The following PTPRS variants were observed in gnomAD, a reference collection of about 807,000 sequenced individuals.
The protein encoded by PTPRS is protein tyrosine phosphatase receptor type S, also known as receptor-type tyrosine-protein phosphatase S.
Under a neutral mutation model 215.3 loss-of-function variants are expected in PTPRS, and 63 were observed. The ratio of observed to expected loss-of-function variants is 0.29; its 90% confidence interval spans 0.24 to 0.36. The LOEUF (loss-of-function observed/expected upper bound fraction) is 0.36, where lower values mean the gene tolerates loss of function less well. Ranked by LOEUF, PTPRS falls within the 10% of genes least tolerant of loss-of-function variation. PTPRS has a pLI of 1.00. For missense variants in PTPRS, 2,258 were observed against 2,825.8 expected (o/e 0.80, Z 4.56); for synonymous variants, 1,404 against 1,191.4 (o/e 1.18, Z -3.68).
intron 1 of PTPRS, among the ~76,000 whole-genome samples, chr19:5,334,876 G>A (rs1209995652): frequency 6.6e-6 from 1 of 152,196 alleles, no homozygotes; most frequent in Non-Finnish European, 1.5e-5. Context: ...GCAGGTTGGA[G>A]GAGACAAGGA....
Position 5,244,925 on chromosome 19 carries a change from C to T in PTPRS, c.989-443G>A, listed in dbSNP as rs2044340119. ...CCTCGTGATCCGCCCGCCTCGGCCT[C>T]CCGAAGTGCTGGGATTACAGGTGTG... On this transcript the variant is annotated intron_variant, in intron 10 of 37. Transcript: ENST00000262963. This position sits in a 1 kb window ranked among gnomAD's most constrained non-coding sequence, Gnocchi z 7.2. Among the ~76,000 whole-genome samples, 1 of 152,110 alleles carries T rather than the reference C, an allele frequency of 6.6e-6. No homozygotes were observed. Among genetic ancestry groups the T allele is most frequent in the Non-Finnish European group, 1.5e-5 (1 of 68,034 alleles).
At chr19:5,313,156 A>T (rs2049762797) in intron 1 of PTPRS, among the ~76,000 whole-genome samples, 1 of 152,164 alleles carries the variant, frequency 6.6e-6, no homozygotes, top group South Asian at 2.1e-4. Flanking sequence ...GCCTCAGGTG[A>T]TCCGCCCGAC....
rs915498913 is a variant in PTPRS at position 5,339,249 on chromosome 19, A to G, written c.-95+1415T>C. On this transcript the variant is annotated intron_variant, in intron 1 of 37. Coordinates refer to ENST00000262963, the MANE Select transcript of PTPRS (RefSeq NM_002850.4). The surrounding 1 kb of genome is among the most constrained non-coding windows in gnomAD (Gnocchi z 4.2). The stretch of plus-strand genomic sequence containing the variant: ...AGAAGGGGGAGGCAAGGCACCCCCA[A>G]TGAGGCTCTGGGAGGTTTGTTAATT... Among the ~76,000 whole-genome samples, 14 of 152,038 alleles carry G rather than the reference A, an allele frequency of 9.2e-5. No homozygotes were observed. Among genetic ancestry groups the G allele is most frequent in the East Asian group, 7.7e-4 (4 of 5,166 alleles).
Position 5,287,378 on chromosome 19 carries a change from G to A in PTPRS, c.-94-1144C>T, listed in dbSNP as rs1015893886. Among the ~76,000 whole-genome samples the A allele has an allele frequency of 2.0e-5, 3 of 152,148 alleles. No homozygotes were observed. Among genetic ancestry groups the A allele is most frequent in the African/African-American group, 7.2e-5 (3 of 41,432 alleles). ...TGAAAAGATGTTAATCATTCAGCAC[G>A]TTTCTCCCACAAGAACCTCAACTCC... On this transcript the variant is annotated intron_variant, in intron 1 of 37. Transcript: ENST00000262963. This position sits in a 1 kb window ranked among gnomAD's most constrained non-coding sequence, Gnocchi z 4.8.
At chr19:5,267,401 A>C (rs2046486564) in intron 4 of PTPRS, among the ~76,000 whole-genome samples, 1 of 152,110 alleles carries the variant, frequency 6.6e-6, no homozygotes, top group Non-Finnish European at 1.5e-5. Flanking sequence ...TCACACCTGT[A>C]ATCCCAGCAC....
chr19:5,305,338 G>A (rs1266749040), intron 1 of PTPRS, among the ~76,000 whole-genome samples: 1 of 152,092 alleles, frequency 6.6e-6, no homozygotes, highest in African/African-American at 2.4e-5. Flanking sequence ...TTGAGGCCAG[G>A]AGTTGAAGAC....
At position 5,295,282 on chromosome 19, in the gene PTPRS, T is replaced by G. The variant is rs1364516283; in HGVS notation, c.-94-9048A>C. Among the ~76,000 whole-genome samples, 1 of 152,228 alleles carries G rather than the reference T, an allele frequency of 6.6e-6. No individual in the cohort carries two copies. The highest frequency in any genetic ancestry group is 1.9e-4 in the East Asian group (1 of 5,192). On this transcript the variant is annotated intron_variant, in intron 1 of 37. Transcript: ENST00000262963. The surrounding 1 kb of genome is among the most constrained non-coding windows in gnomAD (Gnocchi z 4.6). ...GACCTGCAGCATACAGGCCTGGCTC[T>G]GGGCTGCCCAGGACTCGGGACGGCA...
chr19:5,220,483 A>G, intron 20 of PTPRS, 130 bp from the exon 21 acceptor site: 6 of 775,954 alleles, frequency 7.7e-6, no homozygotes, highest in Non-Finnish European at 1.3e-5. Flanking sequence ...CTATTCCCCT[A>G]TGCCCCATCC....
chr19:5,238,160 G>A (rs1207180940), intron 13 of PTPRS, among the ~76,000 whole-genome samples: 1 of 152,204 alleles, frequency 6.6e-6, no homozygotes, highest in African/African-American at 2.4e-5. Flanking sequence ...CAGGGAGGCA[G>A]GTGAGGTGGG....
chr19:5,282,403 G>A (rs899432167), intron 2 of PTPRS, among the ~76,000 whole-genome samples: 4 of 152,142 alleles, frequency 2.6e-5, no homozygotes, highest in Non-Finnish European at 4.4e-5. Flanking sequence ...GACACAGGAA[G>A]GACACCTCTG....
intron 19 of PTPRS, 131 bp from the exon 20 acceptor site, chr19:5,221,384 CACTG>C (rs1254090711): frequency 2.5e-6 from 3 of 1,213,670 alleles, no homozygotes; most frequent in Middle Eastern, 2.6e-4. Context: ...AGAAATCTAA[CACTG>C]ACTGATCCCT....
rs147208005 is a variant in PTPRS at position 5,282,841 on chromosome 19, G to A, written c.91+3209C>T. On this transcript the variant is annotated intron_variant, in intron 2 of 37. Transcript: ENST00000262963. Reference sequence around the variant, plus strand: ...AGGGACCTGCCTTTGGTCACACGGCGTGTGATGGGCAGAGACAGGATTCCA... The same window carrying A: ...AGGGACCTGCCTTTGGTCACACGGCATGTGATGGGCAGAGACAGGATTCCA... Among the ~76,000 whole-genome samples, 898 of 151,762 alleles carry A rather than the reference G, an allele frequency of 5.9e-3. 9 individuals are homozygous for A. Among genetic ancestry groups the A allele is most frequent in the African/African-American group, 0.018 (756 of 41,394 alleles).
chr19:5,247,168 G>A (rs754997620), intron 9 of PTPRS, among the ~76,000 whole-genome samples: 7 of 150,964 alleles, frequency 4.6e-5, no homozygotes, highest in Non-Finnish European at 1.0e-4. Context: ...TCACATCACA[G>A]CCCTGGCAGA....
Position 5,339,802 on chromosome 19 carries a change from C to G in PTPRS, c.-95+862G>C, listed in dbSNP as rs1370696718. 4.6e-5 allele frequency among the ~76,000 whole-genome samples: 7 copies of G among 151,738 alleles called. No individual in the cohort carries two copies. Among genetic ancestry groups the G allele is most frequent in the Non-Finnish European group, 7.4e-5 (5 of 67,818 alleles). ...GGGCTCCCGGGGCGTGCGGAACCCG[C>G]GGGGCTGGCGGTTCCAGGGGCGGCT... On this transcript the variant is annotated intron_variant, in intron 1 of 37. Transcript: ENST00000262963. The surrounding 1 kb of genome is among the most constrained non-coding windows in gnomAD (Gnocchi z 4.2).
intron 1 of PTPRS, among the ~76,000 whole-genome samples, chr19:5,329,352 C>G (rs1255273166): frequency 6.6e-6 from 1 of 152,092 alleles, no homozygotes; most frequent in African/African-American, 2.4e-5. Context: ...ACATCCTGGC[C>G]GATAACATCT....
At chr19:5,218,585 G>C (rs1568388772) in intron 24 of PTPRS, 53 bp from the exon 25 acceptor site, 12 of 1,572,138 alleles carry the variant, frequency 7.6e-6, no homozygotes, top group African/African-American at 1.4e-5. Context: ...ATGTTCATGT[G>C]TGAACACAAT....
chr19:5,286,482 T>C (rs886589270), intron 1 of PTPRS: 6 of 321,782 alleles, frequency 1.9e-5, no homozygotes, highest in Non-Finnish European at 3.0e-5. Context: ...TAACAGGAGA[T>C]GGAGTGTTTG....
chr19:5,235,863 G>A (rs2043400065), intron 13 of PTPRS, among the ~76,000 whole-genome samples: 1 of 152,198 alleles, frequency 6.6e-6, no homozygotes, highest in African/African-American at 2.4e-5. Flanking sequence ...AAAGGCTTAT[G>A]AATCAGTAAG....
chr19:5,210,839 C>T lies in PTPRS; in HGVS notation c.5235-34G>A. On this transcript the variant is annotated intron_variant, in intron 33 of 37. Transcript: ENST00000262963. This position sits in a 1 kb window ranked among gnomAD's most constrained non-coding sequence, Gnocchi z 4.5. ...GTTGGGGGTATGAGCCCAGGGCCGG[C>T]AGGGAGACCCGGCGTGGTACTCACC... The T allele has an allele frequency of 1.2e-6, 2 of 1,604,128 alleles. No individual in the cohort carries two copies. The highest frequency in any genetic ancestry group is 1.7e-6 in the Non-Finnish European group (2 of 1,176,874).
Sources: gnomAD v4.1 joint callset for allele counts (sites outside exome capture counted in the v4.1 genomes callset) on GRCh38, gnomAD v4.1.1 for gene constraint, Gnocchi (gnomAD v3.1) non-coding constraint, MANE v1.5 for transcripts, NCBI Gene and HGNC (gene_info 2026-07-23, HGNC 2026-07-21) for gene names.